Variants in CAMKMT observed in about 807,000 individuals in gnomAD.
The protein encoded by CAMKMT is calmodulin-lysine N-methyltransferase, also known as CaM KMT.
A neutral mutation model predicts 48.0 loss-of-function variants in CAMKMT; 53 were observed. That is an observed-to-expected ratio of 1.10 (90% CI 0.89 to 1.39). The LOEUF (loss-of-function observed/expected upper bound fraction) is 1.39, where lower values mean the gene tolerates loss of function less well. CAMKMT is among the 40% of genes most tolerant of loss of function. The probability of loss-of-function intolerance (pLI) is 0.00; values close to 1 mark genes in which losing one functional copy is unlikely to be tolerated. For synonymous variants in CAMKMT, 165 were observed against 152.3 expected, an observed-to-expected ratio of 1.08 and a Z score of -0.61; for missense variants, 428 against 402.7, an observed-to-expected ratio of 1.06 and a Z score of -0.54.
intron 3 of CAMKMT, among the ~76,000 whole-genome samples, chr2:44,575,765 G>A (rs925158332): frequency 6.6e-6 from 1 of 151,160 alleles, no homozygotes; most frequent in Non-Finnish European, 1.5e-5. Flanking sequence ...GCTGAGGTGG[G>A]AGGATTGCTT....
chr2:44,710,875 T>C (rs1378399887), intron 6 of CAMKMT, among the ~76,000 whole-genome samples: 1 of 152,182 alleles, frequency 6.6e-6, no homozygotes, highest in Non-Finnish European at 1.5e-5. Flanking sequence ...TTAGTAAACA[T>C]CTAGCAGTTC....
chr2:44,693,679 A>C (rs1240442039), intron 3 of CAMKMT, among the ~76,000 whole-genome samples: 2 of 152,234 alleles, frequency 1.3e-5, no homozygotes, highest in African/African-American at 4.8e-5. Flanking sequence ...CTGGGTTGAC[A>C]CATCAGTGAC....
intron 3 of CAMKMT, among the ~76,000 whole-genome samples, chr2:44,527,667 T>C (rs1356904023): frequency 1.3e-5 from 2 of 151,812 alleles, no homozygotes; most frequent in Non-Finnish European, 2.9e-5. Flanking sequence ...ATGAGTGTTT[T>C]ACAGTTCCTT....
intron 3 of CAMKMT, among the ~76,000 whole-genome samples, chr2:44,678,618 C>CA (rs930750593): frequency 1.8e-4 from 28 of 152,114 alleles, no homozygotes; most frequent in African/African-American, 6.5e-4. Flanking sequence ...TTTTACTCAG[C>CA]AAAAAACGGA....
rs543005729 is a variant in CAMKMT at position 44,598,563 on chromosome 2, C to T, written c.377-105720C>T. ...GCCTGACAAGTATGACTTAATCATA[C>T]AGCACTTTTAGTCTATGAAACCTAC... is the stretch of plus-strand genomic sequence containing the variant. On this transcript the variant is annotated intron_variant, in intron 3 of 10. Coordinates refer to ENST00000378494, the MANE Select transcript of CAMKMT (RefSeq NM_024766.5). 3.6e-4 allele frequency among the ~76,000 whole-genome samples: 55 copies of T among 151,264 alleles called. 2 individuals are homozygous for T. Among genetic ancestry groups the T allele is most frequent in the African/African-American group, 1.3e-3 (53 of 41,060 alleles).
intron 8 of CAMKMT, among the ~76,000 whole-genome samples, chr2:44,752,001 C>T (rs140407402): frequency 4.1e-4 from 62 of 152,196 alleles, no homozygotes; most frequent in African/African-American, 1.5e-3. Flanking sequence ...ATGAAGGATC[C>T]GCCCCTATGA....
chr2:44,404,708 T>C (rs1314614446), intron 3 of CAMKMT, among the ~76,000 whole-genome samples: 4 of 152,130 alleles, frequency 2.6e-5, no homozygotes, highest in Admixed American at 1.3e-4. Flanking sequence ...TCACTTAATA[T>C]ACCTGTGTGC....
chr2:44,368,570 A>G lies in CAMKMT; in HGVS notation c.139-4146A>G, dbSNP rs553345222. 2.0e-5 allele frequency among the ~76,000 whole-genome samples: 3 copies of G among 152,294 alleles called. No individual in the cohort carries two copies. The South Asian group carries it at 6.2e-4, about 32-fold the overall frequency. ...TCATGCAGATCATACTAAACTATGT[A>G]AGCCCCTTCCAGTATTATACATGTG... is the stretch of plus-strand genomic sequence containing the variant. On this transcript the variant is annotated intron_variant, in intron 1 of 10. Coordinates refer to ENST00000378494, the MANE Select transcript of CAMKMT (RefSeq NM_024766.5).
intron 3 of CAMKMT, among the ~76,000 whole-genome samples, chr2:44,397,654 A>C (rs1029595284): frequency 2.0e-5 from 3 of 152,178 alleles, no homozygotes; most frequent in Non-Finnish European, 4.4e-5. Context: ...TTACCAGAGA[A>C]GGAAAAAGAC....
chr2:44,758,394 T>C (rs1339597641), intron 9 of CAMKMT, among the ~76,000 whole-genome samples: 1 of 152,140 alleles, frequency 6.6e-6, no homozygotes, highest in Non-Finnish European at 1.5e-5. Context: ...CAGGCTGAGC[T>C]TAGATTCTCA....
chr2:44,696,292 G>A (rs1025303146), intron 3 of CAMKMT, among the ~76,000 whole-genome samples: 2 of 152,112 alleles, frequency 1.3e-5, no homozygotes, highest in Non-Finnish European at 2.9e-5. Context: ...ACTTATATTG[G>A]ATATGCATGC....
At chr2:44,740,264 G>T (rs13409827) in intron 7 of CAMKMT, among the ~76,000 whole-genome samples, 2 of 151,748 alleles carry the variant, frequency 1.3e-5, no homozygotes, top group Non-Finnish European at 2.9e-5. Context: ...GAGTGGCTGA[G>T]ACCACAGGTG....
intron 3 of CAMKMT, among the ~76,000 whole-genome samples, chr2:44,435,519 C>T (rs1190348247): frequency 5.3e-5 from 8 of 152,122 alleles, no homozygotes; most frequent in African/African-American, 1.9e-4. Context: ...TGATTCAGTG[C>T]CTGAAATTAT....
intron 3 of CAMKMT, among the ~76,000 whole-genome samples, chr2:44,552,574 C>T (rs1479869970): frequency 6.6e-6 from 1 of 152,198 alleles, no homozygotes; most frequent in East Asian, 1.9e-4. Flanking sequence ...CAACCACTCA[C>T]CTCCATATTT....
chr2:44,487,685 G>C (rs1247444157), intron 3 of CAMKMT, among the ~76,000 whole-genome samples: 2 of 152,136 alleles, frequency 1.3e-5, no homozygotes, highest in Admixed American at 6.5e-5. Context: ...CTGTGTCCTG[G>C]GATGAGATAT....
intron 3 of CAMKMT, among the ~76,000 whole-genome samples, chr2:44,684,607 G>C (rs1676230252): frequency 6.6e-6 from 1 of 152,090 alleles, no homozygotes; most frequent in Non-Finnish European, 1.5e-5. Context: ...GATATCCCCA[G>C]ATAAGCCCCA....
At position 44,572,703 on chromosome 2, in the gene CAMKMT, T is replaced by A. The variant is rs190409247; in HGVS notation, c.377-131580T>A. 8.1e-4 allele frequency among the ~76,000 whole-genome samples: 123 copies of A among 152,108 alleles called. 1 individual carries two copies. Among genetic ancestry groups the A allele is most frequent in the Admixed American group, 6.1e-3 (93 of 15,270 alleles). On this transcript the variant is annotated intron_variant, in intron 3 of 10. Coordinates refer to ENST00000378494, the MANE Select transcript of CAMKMT (RefSeq NM_024766.5). Reference sequence around the variant, plus strand: ...CTGCTATGTTGGCTCTTATGAGTAATGCTGCTGTGTTGGCTGTTATGAGTA... The same window carrying A: ...CTGCTATGTTGGCTCTTATGAGTAAAGCTGCTGTGTTGGCTGTTATGAGTA...
intron 7 of CAMKMT, among the ~76,000 whole-genome samples, chr2:44,727,684 C>T (rs1449458674): frequency 6.6e-6 from 1 of 152,126 alleles, no homozygotes; most frequent in Non-Finnish European, 1.5e-5. Flanking sequence ...TTGTCTTGTT[C>T]CAGTTCTCAA....
chr2:44,624,696 G>A (rs1270538802), intron 3 of CAMKMT, among the ~76,000 whole-genome samples: 2 of 152,146 alleles, frequency 1.3e-5, no homozygotes, highest in African/African-American at 4.8e-5. Flanking sequence ...TGGTGTATAT[G>A]TGCCACATTT....
Sources: allele counts gnomAD v4.1 joint callset (sites outside exome capture counted in the v4.1 genomes callset), GRCh38; gene constraint gnomAD v4.1.1; transcripts MANE v1.5; gene names NCBI Gene and HGNC (gene_info 2026-07-23, HGNC 2026-07-21).